The following MACROD2 variants were observed in gnomAD, a reference collection of about 807,000 sequenced individuals.
MACROD2 encodes the protein ADP-ribose glycohydrolase MACROD2.
MACROD2 carries 36 observed loss-of-function variants against 70.4 expected under a neutral mutation model. The observed-to-expected ratio is 0.51, with a 90% CI of 0.39 to 0.68. MACROD2 has a LOEUF of 0.68. MACROD2 is among the 30% of genes least tolerant of loss of function. The pLI is 0.00. For synonymous variants in MACROD2, 172 were observed against 178.8 expected (o/e 0.96, Z 0.30); for missense variants, 496 against 538.4 (o/e 0.92, Z 0.78).
At chr20:14,628,583 G>A (rs901698956) in intron 4 of MACROD2, 8 of 152,308 alleles carry the variant, frequency 5.3e-5, no homozygotes, top group African/African-American at 1.9e-4. Flanking sequence ...TGTAGGGAGA[G>A]TATTGCAGGA....
chr20:15,120,917 G>A lies in MACROD2; in HGVS notation c.419-109023G>A, dbSNP rs186591054. 4.0e-4 allele frequency among the ~76,000 whole-genome samples: 61 copies of A among 152,188 alleles called. 1 individual carries two copies. Among genetic ancestry groups the A allele is most frequent in the Admixed American group, 2.7e-3 (42 of 15,296 alleles). ...TCTCTTAGGTGGTCTTTGCTGCGTC[G>A]TTTGCTGTCAACCATTAACACCATA... On this transcript the variant is annotated intron_variant, in intron 5 of 17. Coordinates refer to ENST00000684519, the MANE Select transcript of MACROD2 (RefSeq NM_001351661.2).
At chr20:15,370,786 A>G (rs868299896) in intron 6 of MACROD2, among the ~76,000 whole-genome samples, 2 of 152,054 alleles carry the variant, frequency 1.3e-5, no homozygotes, top group Admixed American at 6.6e-5. Flanking sequence ...AGATTTTTTT[A>G]ACTATGAATA....
At chr20:14,052,778 C>T (rs563772663) in intron 2 of MACROD2, among the ~76,000 whole-genome samples, 1 of 152,052 alleles carries the variant, frequency 6.6e-6, no homozygotes, top group South Asian at 2.1e-4. Context: ...GTTTTAGAAA[C>T]ACTATCTTCA....
intron 5 of MACROD2, among the ~76,000 whole-genome samples, chr20:14,977,204 A>G (rs1162562020): frequency 6.6e-6 from 1 of 152,004 alleles, no homozygotes; most frequent in Non-Finnish European, 1.5e-5. Context: ...TAATCATAAT[A>G]ACCTTCCCTG....
At chr20:14,749,853 T>A (rs1417630684) in intron 5 of MACROD2, among the ~76,000 whole-genome samples, 1 of 152,152 alleles carries the variant, frequency 6.6e-6, no homozygotes, top group Non-Finnish European at 1.5e-5. Flanking sequence ...ATTTCACTTA[T>A]GTGAGCTATC....
intron 8 of MACROD2, among the ~76,000 whole-genome samples, chr20:15,529,831 A>G (rs1484840570): frequency 1.3e-5 from 2 of 152,194 alleles, no homozygotes; most frequent in African/African-American, 4.8e-5. Flanking sequence ...TGGGAGAAAG[A>G]AAGGGAATAT....
At chr20:15,662,719 T>A (rs2049838958) in intron 8 of MACROD2, among the ~76,000 whole-genome samples, 1 of 152,032 alleles carries the variant, frequency 6.6e-6, no homozygotes, top group Non-Finnish European at 1.5e-5. Context: ...GAGAGGGTTT[T>A]TTTTTTTTCT....
chr20:14,045,104 C>T (rs1007685206), intron 2 of MACROD2, among the ~76,000 whole-genome samples: 4 of 152,248 alleles, frequency 2.6e-5, no homozygotes, highest in Non-Finnish European at 5.9e-5. Context: ...CCCACGCCCA[C>T]CTGGAACTTC....
chr20:15,041,824 C>T (rs1433348543), intron 5 of MACROD2, among the ~76,000 whole-genome samples: 1 of 152,070 alleles, frequency 6.6e-6, no homozygotes, highest in Non-Finnish European at 1.5e-5. Flanking sequence ...ATCATTGTTT[C>T]TTGGAGTTTT....
At position 15,663,959 on chromosome 20, in the gene MACROD2, C is replaced by G. The variant is rs554761255; in HGVS notation, c.645+164112C>G. Among the ~76,000 whole-genome samples the G allele has an allele frequency of 1.6e-4, 25 of 152,276 alleles. No individual in the cohort carries two copies. The South Asian group carries it at 2.1e-3, about 13-fold the overall frequency. On this transcript the variant is annotated intron_variant, in intron 8 of 17. Coordinates refer to ENST00000684519, the MANE Select transcript of MACROD2 (RefSeq NM_001351661.2). ...GTATAATGATAGCTCCACAGGTGTC[C>G]TTGTCTCTGGAAATCTTGGCTGTGA...
chr20:15,520,466 G>C (rs1384595701), intron 8 of MACROD2, among the ~76,000 whole-genome samples: 2 of 152,162 alleles, frequency 1.3e-5, no homozygotes, highest in African/African-American at 4.8e-5. Flanking sequence ...TTCACCCTGG[G>C]GTGATGACTA....
chr20:15,164,687 G>C (rs1292397257), intron 5 of MACROD2, among the ~76,000 whole-genome samples: 1 of 152,122 alleles, frequency 6.6e-6, no homozygotes, highest in Non-Finnish European at 1.5e-5. Context: ...CTTGAGGCCA[G>C]GAGTTCAAAA....
At position 16,018,812 on chromosome 20, in the gene MACROD2, T is replaced by C. The variant is rs570488876; in HGVS notation, c.1154-22389T>C. Among the ~76,000 whole-genome samples, 7 of 152,330 alleles carry C rather than the reference T, an allele frequency of 4.6e-5. No individual in the cohort carries two copies. In the South Asian group the frequency reaches 6.2e-4, roughly 14 times the overall value. ...TCTTGTCTTGCAAGGAAATAATTGT[T>C]GCCCCCCTTCAAGCCACCATATTTT... On this transcript the variant is annotated intron_variant, in intron 15 of 17. Transcript: ENST00000684519.
At chr20:14,542,624 G>A (rs769068417) in intron 4 of MACROD2, among the ~76,000 whole-genome samples, 1 of 152,110 alleles carries the variant, frequency 6.6e-6, no homozygotes, top group African/African-American at 2.4e-5. Context: ...AGTATTTAAG[G>A]AGAATTTTTC....
chr20:14,379,030 A>G (rs572298566), intron 3 of MACROD2, among the ~76,000 whole-genome samples: 1 of 152,292 alleles, frequency 6.6e-6, no homozygotes, highest in African/African-American at 2.4e-5. Flanking sequence ...CACTTTCCCC[A>G]ATAATAATAA....
chr20:15,964,741 A>G (rs4814421), intron 12 of MACROD2, among the ~76,000 whole-genome samples: 145,709 of 152,278 alleles, frequency 0.96, 69,920 homozygotes, highest in East Asian at 1. Flanking sequence ...ATACAGAATC[A>G]AATCTAGGCC....
rs1179355796 is a variant in MACROD2, at chr20:14,700,024, GAAGTTTA to G, written c.418+15082_418+15088del. Among the ~76,000 whole-genome samples, 86 of 148,512 alleles carry G rather than the reference GAAGTTTA, an allele frequency of 5.8e-4. No individual in the cohort carries two copies. In the East Asian group the frequency reaches 9.0e-3, roughly 16 times the overall value. On this transcript the variant is annotated intron_variant, in intron 5 of 17. Transcript: ENST00000684519. ...TCTAGAAGTTTAAAGTTTAAATCTAGAAGTTTAAAGTTTAAAGTTTAAATCTAGAAGT... is the reference window on the plus strand; with the variant it reads ...TCTAGAAGTTTAAAGTTTAAATCTAGAAGTTTAAAGTTTAAATCTAGAAGT...
intron 8 of MACROD2, among the ~76,000 whole-genome samples, chr20:15,583,375 C>T (rs1044126832): frequency 6.6e-6 from 1 of 152,196 alleles, no homozygotes; most frequent in African/African-American, 2.4e-5. Flanking sequence ...TCCCTGAAGT[C>T]TCGATATTCA....
chr20:14,848,450 T>C (rs1346044404), intron 5 of MACROD2, among the ~76,000 whole-genome samples: 2 of 152,160 alleles, frequency 1.3e-5, no homozygotes, highest in Non-Finnish European at 2.9e-5. Context: ...CCTTGCTCTT[T>C]TTTTTTCTTT....
Sources: gnomAD v4.1 joint callset for allele counts (sites outside exome capture counted in the v4.1 genomes callset) on GRCh38, gnomAD v4.1.1 for gene constraint, MANE v1.5 for transcripts, NCBI Gene and HGNC (gene_info 2026-07-23, HGNC 2026-07-21) for gene names.